SENP5: variants seen among roughly 807,000 people sequenced by gnomAD.
The protein encoded by SENP5 is sentrin-specific protease 5.
SENP5 carries 21 observed loss-of-function variants against 74.2 expected under a neutral mutation model. The ratio of observed to expected loss-of-function variants is 0.28; its 90% confidence interval spans 0.20 to 0.41. The LOEUF is 0.41. Among genes scored for constraint, SENP5 ranks in the 10% least tolerant of loss-of-function variants. SENP5 has a pLI of 1.00. For missense variants in SENP5, 717 were observed against 889.1 expected (o/e 0.81, Z 2.46); for synonymous variants, 311 against 312.7 (o/e 0.99, Z 0.06).
intron 2 of SENP5, among the ~76,000 whole-genome samples, chr3:196,897,932 G>T (rs1275681261): frequency 6.6e-6 from 1 of 151,886 alleles, no homozygotes; most frequent in African/African-American, 2.4e-5. Context: ...AGTACTTTGG[G>T]AAGACAAGGC....
chr3:196,883,624 C>A (rs1289834277), intron 1 of SENP5, among the ~76,000 whole-genome samples: 3 of 152,116 alleles, frequency 2.0e-5, no homozygotes, highest in Non-Finnish European at 4.4e-5. Context: ...CACCCATACT[C>A]CTGACTTTCA....
chr3:196,888,965 A>T (rs1714092680), intron 2 of SENP5, among the ~76,000 whole-genome samples: 1 of 151,990 alleles, frequency 6.6e-6, no homozygotes, highest in African/African-American at 2.4e-5. Context: ...AAATTTAAAA[A>T]ATTAGCCGGG....
chr3:196,885,876 T>C lies in SENP5; in HGVS notation c.695T>C (p.Met232Thr). Reference sequence around the variant, plus strand: ...AGGATAAAATTATCTCCTCTTATGATGTATGAGAAATTATCCATGATTAGA... The same window carrying C: ...AGGATAAAATTATCTCCTCTTATGACGTATGAGAAATTATCCATGATTAGA... ...HRRIKLSPLM[M>T]YEKLSMIRFR... The change falls in exon 2 of 10, where the codon ATG becomes ACG. Residue 232 changes from methionine (M) to threonine (T), a missense_variant. By Grantham distance (81) the Met-to-Thr change is moderately conservative (BLOSUM62 -1). Around this residue, in one of 4 missense-constraint regions of SENP5, gnomAD observed 567 missense variants for 577.4 expected, o/e 0.98. Coordinates refer to ENST00000323460, the MANE Select transcript of SENP5 (RefSeq NM_152699.5). 2.5e-6 allele frequency: 4 copies of C among 1,613,760 alleles called. No homozygotes were observed. The highest frequency in any genetic ancestry group is 3.4e-6 in the Non-Finnish European group (4 of 1,179,958).
rs1716174925 is a variant in SENP5, at chr3:196,934,605, CTGT to C, written c.*3685_*3687del. On this transcript the variant is annotated 3_prime_UTR_variant, in exon 10 of 10. Transcript: ENST00000323460. ...GACGAGCTGTTCACTTAACTGGTACCTGTTGGTCAGAAAAAGAATTTATTTAGA... is the reference window on the plus strand; with the variant it reads ...GACGAGCTGTTCACTTAACTGGTACCTGGTCAGAAAAAGAATTTATTTAGA... 1 of 152,202 alleles carries C rather than the reference CTGT, an allele frequency of 6.6e-6. No individual in the cohort carries two copies. Among genetic ancestry groups the C allele is most frequent in the Non-Finnish European group, 1.5e-5 (1 of 68,040 alleles). The allele number at this position is 152,202 out of a possible 1,614,324, so 9.4% of individuals were successfully genotyped here.
At chr3:196,909,320 T>C (rs1715028653) in intron 6 of SENP5, among the ~76,000 whole-genome samples, 1 of 152,222 alleles carries the variant, frequency 6.6e-6, no homozygotes, top group Non-Finnish European at 1.5e-5. Context: ...CACAGCCAAA[T>C]TCTACCAGAG....
At chr3:196,879,144 G>A (rs1252395753) in intron 1 of SENP5, among the ~76,000 whole-genome samples, 1 of 151,598 alleles carries the variant, frequency 6.6e-6, no homozygotes, top group Non-Finnish European at 1.5e-5. Context: ...GGACCCCAGC[G>A]GTAAATGTCA....
rs1716087169 is a variant in SENP5, at chr3:196,932,875, C to T, written c.*1952C>T. ...GACAGAACCTGGCATGCAGAAGAGA[C>T]AGAATTGTTCCTGTAAGAAAATCAA... is the stretch of plus-strand genomic sequence containing the variant. On this transcript the variant is annotated 3_prime_UTR_variant, in exon 10 of 10. Transcript: ENST00000323460. The T allele has an allele frequency of 6.6e-6, 1 of 150,994 alleles. No individual in the cohort carries two copies. The highest frequency in any genetic ancestry group is 1.5e-5 in the Non-Finnish European group (1 of 67,878). 9.4% of individuals were successfully genotyped at this position (150,994 alleles called of 1,614,324 possible).
At chr3:196,916,934 G>A (rs1220770487) in intron 6 of SENP5, among the ~76,000 whole-genome samples, 1 of 152,024 alleles carries the variant, frequency 6.6e-6, no homozygotes, top group African/African-American at 2.4e-5. Context: ...AGGAGTTTGA[G>A]ACAAACCTGG....
intron 2 of SENP5, among the ~76,000 whole-genome samples, chr3:196,887,106 TTTTTGAG>T (rs1443007722): frequency 1.3e-5 from 2 of 152,192 alleles, no homozygotes; most frequent in African/African-American, 4.8e-5. Context: ...TTAATTTGCA[TTTTTGAG>T]TTTTAAGTTT....
At chr3:196,897,948 G>A (rs9831493) in intron 2 of SENP5, among the ~76,000 whole-genome samples, 99,399 of 151,408 alleles carry the variant, frequency 0.66, 33,681 homozygotes, top group Non-Finnish European at 0.74. Context: ...AAGGCAGGTG[G>A]ATCACCTGAG....
chr3:196,919,459 C>CTG (rs1331735228), intron 6 of SENP5, among the ~76,000 whole-genome samples: 1 of 152,134 alleles, frequency 6.6e-6, no homozygotes, highest in African/African-American at 2.4e-5. Context: ...CCAGCCTGGG[C>CTG]TACAGAGTGA....
rs1713434256 is a variant in SENP5, at chr3:196,875,724, TTTA to T, written c.-32+7654_-32+7656del. Among the ~76,000 whole-genome samples the T allele has an allele frequency of 1.3e-5, 2 of 152,142 alleles. 1 individual carries two copies. The highest frequency in any genetic ancestry group is 4.8e-5 in the African/African-American group (2 of 41,438). ...ACCCTGAATTTGACTTTTTTTAATT[TTTA>T]TTTTATTTTTTTATTTTTTTGAGAC... On this transcript the variant is annotated intron_variant, in intron 1 of 9. Transcript: ENST00000323460.
intron 9 of SENP5, among the ~76,000 whole-genome samples, chr3:196,930,556 G>A (rs1342514181): frequency 6.6e-6 from 1 of 152,200 alleles, no homozygotes; most frequent in East Asian, 1.9e-4. Flanking sequence ...GAACCCTGTT[G>A]TGAACTGCAG....
At chr3:196,894,429 G>A (rs747511720) in intron 2 of SENP5, among the ~76,000 whole-genome samples, 2 of 151,444 alleles carry the variant, frequency 1.3e-5, no homozygotes, top group Non-Finnish European at 2.9e-5. Context: ...GGCCTAATGT[G>A]TTATTTTTAA....
At chr3:196,922,488 C>T (rs1275996713) in intron 6 of SENP5, among the ~76,000 whole-genome samples, 4 of 152,186 alleles carry the variant, frequency 2.6e-5, no homozygotes, top group Admixed American at 6.5e-5. Flanking sequence ...CTCACTCCGT[C>T]GCCCAGGCTG....
At chr3:196,899,567 A>G in intron 2 of SENP5, 99 bp from the exon 3 acceptor site, 2 of 696,252 alleles carry the variant, frequency 2.9e-6, no homozygotes, top group Non-Finnish European at 5.2e-6. Flanking sequence ...TAACCACTGT[A>G]TGTGTTAAGT....
At chr3:196,877,816 A>G (rs1468219160) in intron 1 of SENP5, among the ~76,000 whole-genome samples, 1 of 152,200 alleles carries the variant, frequency 6.6e-6, no homozygotes, top group East Asian at 1.9e-4. Flanking sequence ...TGTGATCCTA[A>G]ACTTTTGATA....
chr3:196,877,540 A>G (rs1577793495), intron 1 of SENP5, among the ~76,000 whole-genome samples: 1 of 151,856 alleles, frequency 6.6e-6, no homozygotes, highest in Middle Eastern at 3.4e-3. Context: ...TGTTTTCTCC[A>G]CTCATTTTTT....
rs547781606 is a variant in SENP5 at position 196,929,743 on chromosome 3, A to T, written c.2157+60A>T. 1.2e-4 allele frequency: 139 copies of T among 1,183,372 alleles called. 3 individuals carry two copies. The South Asian group carries it at 1.7e-3, about 14-fold the overall frequency. 73.3% of individuals were successfully genotyped at this position (1,183,372 alleles called of 1,614,324 possible). A position where few individuals can be genotyped will look rare whatever the true frequency, so the allele number is the denominator to read the frequency against. On this transcript the variant is annotated intron_variant, in intron 9 of 9. Coordinates refer to ENST00000323460, the MANE Select transcript of SENP5 (RefSeq NM_152699.5). ...TGTGAATTGAGTCTGTTGGGTTGAG[A>T]GGGGAGAGATGGCAGTTCCTGTATG...
Sources: allele counts gnomAD v4.1 joint callset (sites outside exome capture counted in the v4.1 genomes callset), GRCh38; gene constraint gnomAD v4.1.1; regional missense constraint gnomAD v4.1.1; transcripts MANE v1.5; gene names NCBI Gene and HGNC (gene_info 2026-07-23, HGNC 2026-07-21).